The following IQGAP2 variants were observed in gnomAD, a reference collection of about 807,000 sequenced individuals.
IQGAP2 encodes the protein IQ motif containing GTPase activating protein 2.
A neutral mutation model predicts 201.3 loss-of-function variants in IQGAP2; 173 were observed. The observed-to-expected ratio is 0.86, with a 90% CI of 0.76 to 0.98. The LOEUF (loss-of-function observed/expected upper bound fraction) is 0.98, where lower values mean the gene tolerates loss of function less well. Among genes scored for constraint, IQGAP2 ranks in the 50% least tolerant of loss-of-function variants. The pLI, the probability that IQGAP2 is intolerant of heterozygous loss-of-function variation, is 0.00. For missense variants in IQGAP2, 1,687 were observed against 1,864.8 expected, an observed-to-expected ratio of 0.90 and a Z score of 1.76; for synonymous variants, 675 against 673.9, an observed-to-expected ratio of 1.00 and a Z score of -0.03.
intron 13 of IQGAP2, among the ~76,000 whole-genome samples, chr5:76,621,895 G>A (rs2069655): frequency 0.16 from 24,890 of 152,042 alleles, 2,296 homozygotes; most frequent in East Asian, 0.43. Flanking sequence ...AATGAACTCC[G>A]GCCTCTCAGG....
At chr5:76,450,927 TG>T (rs978580571) in intron 1 of IQGAP2, among the ~76,000 whole-genome samples, 41 of 152,038 alleles carry the variant, frequency 2.7e-4, no homozygotes, top group Non-Finnish European at 3.1e-4. Flanking sequence ...TTTTTTAAAT[TG>T]CCCTGAATCA....
At chr5:76,502,094 A>G (rs1250039436) in intron 2 of IQGAP2, among the ~76,000 whole-genome samples, 1 of 152,110 alleles carries the variant, frequency 6.6e-6, no homozygotes, top group African/African-American at 2.4e-5. Flanking sequence ...TTGCTGTGGC[A>G]GCTACAATGC....
rs2150205532 is a variant in IQGAP2, at chr5:76,529,786, A to G, written c.147-32610A>G. Among the ~76,000 whole-genome samples the G allele has an allele frequency of 2.6e-5, 4 of 152,224 alleles. 2 individuals carry two copies. In the East Asian group the frequency reaches 7.7e-4, roughly 29 times the overall value. On this transcript the variant is annotated intron_variant, in intron 2 of 35. Transcript: ENST00000274364. ...GACTCATTGTCCTTTAACACAGATT[A>G]GTATTTTTGCAATCTTAGAATTATG...
intron 1 of IQGAP2, among the ~76,000 whole-genome samples, chr5:76,421,885 C>T (rs1751750360): frequency 6.6e-6 from 1 of 152,172 alleles, no homozygotes; most frequent in Non-Finnish European, 1.5e-5. Context: ...CATCCAAATA[C>T]TGTGCGATCT....
rs140675088 is a variant in IQGAP2 at position 76,435,180 on chromosome 5, T to C, written c.47-26390T>C. Among the ~76,000 whole-genome samples the C allele has an allele frequency of 4.8e-3, 728 of 152,252 alleles. 5 individuals are homozygous for C. Among genetic ancestry groups the C allele is most frequent in the African/African-American group, 0.017 (698 of 41,568 alleles). On this transcript the variant is annotated intron_variant, in intron 1 of 35. Coordinates refer to ENST00000274364, the MANE Select transcript of IQGAP2 (RefSeq NM_006633.5). ...ATCTGTTTACTCTGCTGGTTATTTC[T>C]TTTGCTGTGCAGAAGCTTTTTAGTT...
chr5:76,534,120 G>T (rs1310381275), intron 2 of IQGAP2, among the ~76,000 whole-genome samples: 2 of 152,144 alleles, frequency 1.3e-5, no homozygotes, highest in Non-Finnish European at 2.9e-5. Flanking sequence ...AATCCATCAG[G>T]GATATTTTCA....
At chr5:76,487,851 C>G (rs1411821977) in intron 2 of IQGAP2, among the ~76,000 whole-genome samples, 1 of 152,194 alleles carries the variant, frequency 6.6e-6, no homozygotes, top group Non-Finnish European at 1.5e-5. Flanking sequence ...TTTGAATACT[C>G]AGACACATGG....
chr5:76,471,364 C>CAA (rs59781605), intron 2 of IQGAP2, among the ~76,000 whole-genome samples: 19 of 72,494 alleles, frequency 2.6e-4, no homozygotes, highest in East Asian at 2.6e-3. Context: ...ATAAACTAAG[C>CAA]AAAAAAAAAA....
At chr5:76,524,100 T>C (rs1323734184) in intron 2 of IQGAP2, among the ~76,000 whole-genome samples, 1 of 152,178 alleles carries the variant, frequency 6.6e-6, no homozygotes, top group African/African-American at 2.4e-5. Context: ...TCACTCTCTG[T>C]TAGGAGAAGG....
chr5:76,658,682 T>G lies in IQGAP2; in HGVS notation c.2529+15T>G, dbSNP rs1232821715. The G allele has an allele frequency of 6.2e-7, 1 of 1,609,922 alleles. No homozygotes were observed. Among genetic ancestry groups the G allele is most frequent in the South Asian group, 1.1e-5 (1 of 90,676 alleles). On this transcript the variant is annotated intron_variant, in intron 21 of 35. Coordinates refer to ENST00000274364, the MANE Select transcript of IQGAP2 (RefSeq NM_006633.5). Reference sequence around the variant, plus strand: ...TCACACTAGAGGTCAGTGGGGTTTTTGGGACTGTCAGCTCCCAGAAGAGGG... The same window carrying G: ...TCACACTAGAGGTCAGTGGGGTTTTGGGGACTGTCAGCTCCCAGAAGAGGG...
At chr5:76,479,944 A>G (rs746765495) in intron 2 of IQGAP2, among the ~76,000 whole-genome samples, 3 of 151,918 alleles carry the variant, frequency 2.0e-5, no homozygotes, top group South Asian at 2.1e-4. Context: ...TTATTTTCTT[A>G]CTCCTGATGT....
chr5:76,549,310 C>T (rs1454330961), intron 2 of IQGAP2, among the ~76,000 whole-genome samples: 17 of 136,408 alleles, frequency 1.2e-4, no homozygotes, highest in African/African-American at 3.8e-4. Context: ...TCTCAGGCGT[C>T]GAGCTCTGGA....
At position 76,600,821 on chromosome 5, in the gene IQGAP2, G is replaced by A; in HGVS notation, c.1081G>A (p.Ala361Thr). ...ATATGTTTTCCAACAGAACTACTTG[G>A]CCCACGAGGAGCTTTTGATTGCTGT... ...LQKQNTMNYL[A>T]HEELLIAVEM... The change falls in exon 11 of 36, where the codon GCC (alanine) becomes ACC (threonine). Residue 361 changes from alanine (A) to threonine (T), a missense_variant. Coordinates refer to ENST00000274364, the MANE Select transcript of IQGAP2 (RefSeq NM_006633.5). 1.2e-6 allele frequency: 2 copies of A among 1,614,050 alleles called. No homozygotes were observed. The highest frequency in any genetic ancestry group is 1.7e-6 in the Non-Finnish European group (2 of 1,179,946).
At chr5:76,594,869 G>A (rs1021152651) in intron 9 of IQGAP2, among the ~76,000 whole-genome samples, 8 of 152,092 alleles carry the variant, frequency 5.3e-5, no homozygotes, top group African/African-American at 1.4e-4. Context: ...GGGAGGCTGA[G>A]ACAGGAGAAT....
At chr5:76,532,486 T>TTGGGGGGGGGG (rs1759367725) in intron 2 of IQGAP2, among the ~76,000 whole-genome samples, 1 of 32,110 alleles carries the variant, frequency 3.1e-5, no homozygotes, top group Non-Finnish European at 6.6e-5. Context: ...ATTGGGTGGG[T>TTGGGGGGGGGG]GGGGGGGTAG....
intron 13 of IQGAP2, chr5:76,617,505 C>T (rs1447584692): frequency 1.8e-6 from 2 of 1,092,070 alleles, no homozygotes; most frequent in South Asian, 1.5e-5. Flanking sequence ...AAATGGAGCT[C>T]CTTGCACTAT....
chr5:76,498,997 C>T (rs1757135756), intron 2 of IQGAP2, among the ~76,000 whole-genome samples: 1 of 152,160 alleles, frequency 6.6e-6, no homozygotes, highest in Non-Finnish European at 1.5e-5. Context: ...TTTGGGCAAA[C>T]TCTTGGATTT....
At chr5:76,436,495 ATATATATATATATATATATATATTTTTTT>A (rs1752672315) in intron 1 of IQGAP2, among the ~76,000 whole-genome samples, 3 of 16,514 alleles carry the variant, frequency 1.8e-4, no homozygotes, top group African/African-American at 3.8e-4. Flanking sequence ...ATATATATAT[ATATATATATATATATATATATATTTTTTT>A]TTTTTTTTTT....
intron 4 of IQGAP2, among the ~76,000 whole-genome samples, chr5:76,571,325 G>GC (rs1745101212): frequency 6.6e-6 from 1 of 152,124 alleles, no homozygotes; most frequent in Admixed American, 6.5e-5. Context: ...GCAAGTAGCT[G>GC]CCCCATGCCC....
Sources: allele counts gnomAD v4.1 joint callset (sites outside exome capture counted in the v4.1 genomes callset), GRCh38; gene constraint gnomAD v4.1.1; transcripts MANE v1.5; gene names NCBI Gene and HGNC (gene_info 2026-07-23, HGNC 2026-07-21).